PTER: variants seen among roughly 807,000 people sequenced by gnomAD.
PTER encodes phosphotriesterase related, also known as N-acetyltaurine hydrolase.
PTER carries 38 observed loss-of-function variants against 29.6 expected under a neutral mutation model. The observed-to-expected ratio is 1.28, with a 90% CI of 0.99 to 1.68. The LOEUF (loss-of-function observed/expected upper bound fraction) is 1.68, where lower values mean the gene tolerates loss of function less well. Ranked by LOEUF, PTER falls within the 40% of genes most tolerant of loss-of-function variation. PTER has a pLI of 0.00. For missense variants in PTER, 482 were observed against 427.8 expected (o/e 1.13, Z -1.12); for synonymous variants, 172 against 154.5 (o/e 1.11, Z -0.84).
At chr10:16,463,564 T>C (rs901243024) in intron 1 of PTER, among the ~76,000 whole-genome samples, 1 of 151,526 alleles carries the variant, frequency 6.6e-6, no homozygotes, top group Non-Finnish European at 1.5e-5. Flanking sequence ...TACAGGCGGG[T>C]GCCACCATGC....
At chr10:16,465,094 G>A (rs1588598128) in intron 1 of PTER, among the ~76,000 whole-genome samples, 1 of 152,116 alleles carries the variant, frequency 6.6e-6, no homozygotes, top group East Asian at 1.9e-4. Flanking sequence ...TGACATATGG[G>A]AATTGTGGGA....
rs1836813808 is a variant in PTER, at chr10:16,511,606, T to G, written c.*350T>G. 4.5e-6 allele frequency: 1 copy of G among 221,936 alleles called. No homozygotes were observed. Among genetic ancestry groups the G allele is most frequent in the Non-Finnish European group, 9.1e-6 (1 of 109,772 alleles). The allele number at this position is 221,936 out of a possible 1,614,324, so 13.7% of individuals were successfully genotyped here. On this transcript the variant is annotated 3_prime_UTR_variant, in exon 5 of 5. Coordinates refer to ENST00000535784, the MANE Select transcript of PTER (RefSeq NM_001261836.2). ...AAATTTAAAGTGTTTCTAGTTAAAT[T>G]ATTTCCTTCTTGAGCGATCTAATGT...
chr10:16,478,820 T>A (rs979150061), intron 1 of PTER, among the ~76,000 whole-genome samples: 2 of 152,152 alleles, frequency 1.3e-5, no homozygotes, highest in South Asian at 2.1e-4. Flanking sequence ...CGATTTTTTT[T>A]ATTCAAGGAG....
At chr10:16,506,062 T>A (rs1247009263) in intron 4 of PTER, among the ~76,000 whole-genome samples, 1 of 152,048 alleles carries the variant, frequency 6.6e-6, no homozygotes, top group Non-Finnish European at 1.5e-5. Context: ...CTTATGGAAG[T>A]CAGTAGAGAG....
At chr10:16,466,781 T>C (rs1481755195) in intron 1 of PTER, among the ~76,000 whole-genome samples, 1 of 152,242 alleles carries the variant, frequency 6.6e-6, no homozygotes, top group Non-Finnish European at 1.5e-5. Flanking sequence ...TTAGATATAC[T>C]GTATTGTTAT....
chr10:16,484,931 C>G, intron 2 of PTER, 115 bp downstream of exon 2: 1 of 1,207,240 alleles, frequency 8.3e-7, no homozygotes. Context: ...TGCTAGCTAG[C>G]AAAGACATCT....
intron 1 of PTER, among the ~76,000 whole-genome samples, chr10:16,470,219 A>AT (rs1834995530): frequency 6.6e-6 from 1 of 152,182 alleles, no homozygotes; most frequent in Non-Finnish European, 1.5e-5. Flanking sequence ...CCAGCAATGC[A>AT]TTCGTGAAAA....
chr10:16,445,044 C>A (rs1056843536), intron 1 of PTER, among the ~76,000 whole-genome samples: 9 of 152,108 alleles, frequency 5.9e-5, no homozygotes, highest in African/African-American at 1.9e-4. Flanking sequence ...ACACTGCACT[C>A]TCTACATTAG....
At chr10:16,463,514 C>A (rs1834699436) in intron 1 of PTER, among the ~76,000 whole-genome samples, 1 of 152,190 alleles carries the variant, frequency 6.6e-6, no homozygotes, top group Non-Finnish European at 1.5e-5. Flanking sequence ...CTTCCGGGTT[C>A]AAGCAATTCT....
chr10:16,515,430 C>T (rs1397692795), downstream of PTER, among the ~76,000 whole-genome samples: 1 of 152,074 alleles, frequency 6.6e-6, no homozygotes, highest in Non-Finnish European at 1.5e-5. Flanking sequence ...TTAACCTCAA[C>T]ATATCTAAAA....
At chr10:16,443,779 C>T (rs561399759) in intron 1 of PTER, among the ~76,000 whole-genome samples, 5 of 152,210 alleles carry the variant, frequency 3.3e-5, no homozygotes, top group East Asian at 3.9e-4. Flanking sequence ...ATTTCCTCTC[C>T]GAATCAGAAA....
At chr10:16,504,917 A>G (rs1272409006) in intron 3 of PTER, 103 bp from the exon 4 acceptor site, 3 of 1,342,588 alleles carry the variant, frequency 2.2e-6, no homozygotes, top group Admixed American at 2.1e-5. Context: ...CTCGACTTCA[A>G]CTATGTTCTT....
intron 1 of PTER, among the ~76,000 whole-genome samples, chr10:16,442,143 G>A (rs1249144316): frequency 6.6e-6 from 1 of 152,132 alleles, no homozygotes; most frequent in Admixed American, 6.5e-5. Flanking sequence ...AGCCCATTGC[G>A]ACCACAAAAT....
chr10:16,476,955 G>A (rs1363267388), intron 1 of PTER, among the ~76,000 whole-genome samples: 2 of 145,914 alleles, frequency 1.4e-5, no homozygotes, highest in Non-Finnish European at 3.0e-5. Context: ...ACCCAGATTG[G>A]AGTGTAGTGG....
chr10:16,456,859 A>AGGCGGG (rs775837340), intron 1 of PTER, among the ~76,000 whole-genome samples: 13 of 56,146 alleles, frequency 2.3e-4, no homozygotes, highest in African/African-American at 1.3e-3. Flanking sequence ...ACCATGGGGA[A>AGGCGGG]GGTGGGGGGG....
rs1564415862 is a variant in PTER, at chr10:16,513,514, ACT to A, written c.*2261_*2262del. On this transcript the variant is annotated 3_prime_UTR_variant, in exon 5 of 5. Transcript: ENST00000535784. Reference sequence around the variant, plus strand: ...GCAGATATTTGTATAAAATATAAACACTCTGTTGTCATATAGGCTATATGCGA... The same window carrying A: ...GCAGATATTTGTATAAAATATAAACACTGTTGTCATATAGGCTATATGCGA... The A allele has an allele frequency of 1.3e-5, 2 of 152,462 alleles. No individual in the cohort carries two copies. Among genetic ancestry groups the A allele is most frequent in the African/African-American group, 2.4e-5 (1 of 41,408 alleles). 9.4% of individuals were successfully genotyped at this position (152,462 alleles called of 1,614,324 possible). A position where few individuals can be genotyped will look rare whatever the true frequency, so the allele number is the denominator to read the frequency against.
chr10:16,502,737 C>T (rs1836399862), intron 3 of PTER, among the ~76,000 whole-genome samples: 1 of 151,872 alleles, frequency 6.6e-6, no homozygotes, highest in African/African-American at 2.4e-5. Flanking sequence ...ACCTGTAATC[C>T]CAGGACTTTG....
At chr10:16,448,890 T>A (rs1018581373) in intron 1 of PTER, among the ~76,000 whole-genome samples, 6 of 152,238 alleles carry the variant, frequency 3.9e-5, no homozygotes, top group Non-Finnish European at 8.8e-5. Context: ...ATTCGCCAAG[T>A]CAGTGGCTGC....
At chr10:16,468,768 G>A (rs1172357109) in intron 1 of PTER, among the ~76,000 whole-genome samples, 1 of 151,872 alleles carries the variant, frequency 6.6e-6, no homozygotes, top group African/African-American at 2.4e-5. Context: ...GAGTCCAGGA[G>A]TTCAAAACCA....
Sources: allele counts gnomAD v4.1 joint callset (sites outside exome capture counted in the v4.1 genomes callset), GRCh38; gene constraint gnomAD v4.1.1; transcripts MANE v1.5; gene names NCBI Gene and HGNC (gene_info 2026-07-23, HGNC 2026-07-21).